The following COL6A6 variants were observed in gnomAD, a reference collection of about 807,000 sequenced individuals.
The protein encoded by COL6A6 is collagen alpha-6(VI) chain.
In COL6A6, 183 loss-of-function variants were observed where a neutral mutation model predicts 208.6. The ratio of observed to expected loss-of-function variants is 0.88; its 90% CI spans 0.78 to 0.99. The LOEUF (loss-of-function observed/expected upper bound fraction) is 0.99, where lower values mean the gene tolerates loss of function less well. Among genes scored for constraint, COL6A6 ranks in the 50% least tolerant of loss-of-function variants. The pLI is 0.00. For missense variants in COL6A6, 2,816 were observed against 2,815.2 expected, an observed-to-expected ratio of 1.00 and a Z score of -0.01; for synonymous variants, 973 against 1,011.8, an observed-to-expected ratio of 0.96 and a Z score of 0.73.
At position 130,649,049 on chromosome 3, in the gene COL6A6, T is replaced by A; in HGVS notation, c.5240-20T>A. 6.6e-7 allele frequency: 1 copy of A among 1,520,108 alleles called. No homozygotes were observed. The highest frequency in any genetic ancestry group is 8.8e-7 in the Non-Finnish European group (1 of 1,132,050). The allele number at this position is 1,520,108 out of a possible 1,614,324, so 94.2% of individuals were successfully genotyped here. On this transcript the variant is annotated intron_variant, in intron 32 of 36. Coordinates refer to ENST00000358511, the MANE Select transcript of COL6A6 (RefSeq NM_001102608.3). Reference sequence around the variant, plus strand: ...TTTTTTAAATAAGGATGCTATGTGTTAAGGGATATGGTCTTTTAGGAAAAC... The same window carrying A: ...TTTTTTAAATAAGGATGCTATGTGTAAAGGGATATGGTCTTTTAGGAAAAC...
chr3:130,639,474 C>A (rs1033908699), intron 28 of COL6A6, among the ~76,000 whole-genome samples: 3 of 152,128 alleles, frequency 2.0e-5, no homozygotes, highest in Admixed American at 2.0e-4. Flanking sequence ...AGGCAGATTG[C>A]TTCAGCCCAG....
intron 36 of COL6A6, among the ~76,000 whole-genome samples, chr3:130,672,749 A>G (rs1236596958): frequency 4.6e-5 from 7 of 151,196 alleles, no homozygotes; most frequent in African/African-American, 1.5e-4. Flanking sequence ...GGCGGCTCAC[A>G]CCTGTAATCC....
Position 130,565,398 on chromosome 3 carries a change from C to T in COL6A6, c.1066C>T (p.Arg356Ter), listed in dbSNP as rs546330651. ...CGTGACAAAAGCAGCTGTTAACCTC[C>T]GACGGGAGGGTGTGACCATCTTCAC... ...DNVTKAAVNL[R>*]REGVTIFTLG... The change falls in exon 4 of 37, where the codon CGA becomes TGA. Residue 356 changes from arginine (R) to a stop codon, truncating the protein, a stop_gained. Coordinates refer to ENST00000358511, the MANE Select transcript of COL6A6 (RefSeq NM_001102608.3). LOFTEE classifies it high-confidence loss of function. 525 of 1,613,926 alleles carry T rather than the reference C, an allele frequency of 3.3e-4. 8 individuals carry two copies. In the South Asian group the frequency reaches 5.0e-3, roughly 15 times the overall value.
At chr3:130,670,419 G>A (rs1283572047) in intron 36 of COL6A6, among the ~76,000 whole-genome samples, 4 of 152,168 alleles carry the variant, frequency 2.6e-5, no homozygotes, top group Non-Finnish European at 4.4e-5. Flanking sequence ...GTCACTATTA[G>A]TGTTATTTTT....
intron 6 of COL6A6, among the ~76,000 whole-genome samples, chr3:130,569,099 G>A (rs559327889): frequency 1.1e-3 from 162 of 152,244 alleles, no homozygotes; most frequent in Middle Eastern, 6.8e-3. Context: ...CCTGTGTCAC[G>A]TGGGCTACAT....
chr3:130,591,117 C>T (rs1487272829), intron 13 of COL6A6, 23 bp downstream of exon 13: 1 of 1,531,218 alleles, frequency 6.5e-7, no homozygotes, highest in East Asian at 2.3e-5. Context: ...TCTTTTTTAC[C>T]TCCATTTATC....
chr3:130,538,143 C>T (rs2062268740), intron 1 of COL6A6, among the ~76,000 whole-genome samples: 1 of 152,232 alleles, frequency 6.6e-6, no homozygotes, highest in South Asian at 2.1e-4. Context: ...ATCAGCAGGA[C>T]TGGCTGTGAC....
chr3:130,525,623 A>G (rs2107679419), intron 1 of COL6A6, among the ~76,000 whole-genome samples: 1 of 152,236 alleles, frequency 6.6e-6, no homozygotes, highest in African/African-American at 2.4e-5. Flanking sequence ...ATTCTTGTCG[A>G]TCTCGGGAAA....
rs1023652116 is a variant in COL6A6 at position 130,583,628 on chromosome 3, A to G, written c.3970+1560A>G. On this transcript the variant is annotated intron_variant, in intron 10 of 36. Transcript: ENST00000358511. ...CCAATGGAAGAGAGAAATCATGGCAATAATGTTCTTTGAAAAGTGTCTAGT... is the reference window on the plus strand; with the variant it reads ...CCAATGGAAGAGAGAAATCATGGCAGTAATGTTCTTTGAAAAGTGTCTAGT... 3.3e-5 allele frequency among the ~76,000 whole-genome samples: 5 copies of G among 152,224 alleles called. No individual in the cohort carries two copies. In the East Asian group the frequency reaches 7.7e-4, roughly 23 times the overall value.
intron 12 of COL6A6, among the ~76,000 whole-genome samples, 155 bp from the exon 13 acceptor site, chr3:130,590,886 T>C (rs761361103): frequency 5.9e-5 from 9 of 152,184 alleles, no homozygotes; most frequent in Non-Finnish European, 1.2e-4. Flanking sequence ...TTTCTTTTTA[T>C]GTGTGTAAAT....
In COL6A6 at chr3:130,642,981, C is replaced by T. The variant is rs376478571; in HGVS notation, c.5191-6C>T. On this transcript the variant is annotated splice_polypyrimidine_tract_variant and splice_region_variant and intron_variant, in intron 30 of 36. Transcript: ENST00000358511. ...TAATTGTTTCTGTTTTATTTTCGAA[C>T]TGCAGACATGTGAGCTCATTCAGTA... 1.2e-6 allele frequency: 2 copies of T among 1,613,910 alleles called. No homozygotes were observed. Among genetic ancestry groups the T allele is most frequent in the Non-Finnish European group, 1.7e-6 (2 of 1,179,816 alleles).
intron 35 of COL6A6, 79 bp from the exon 36 acceptor site, chr3:130,664,924 G>C: frequency 1.1e-6 from 1 of 885,402 alleles, no homozygotes; most frequent in Non-Finnish European, 1.8e-6. Context: ...ACAGTAAAGT[G>C]GCACTTTGTG....
At chr3:130,542,283 A>G (rs1577649520) in intron 1 of COL6A6, among the ~76,000 whole-genome samples, 1 of 142,856 alleles carries the variant, frequency 7.0e-6, no homozygotes, top group East Asian at 2.1e-4. Context: ...TTTTTCTTCT[A>G]CTCATTTTAT....
chr3:130,534,269 G>A (rs1318894865), intron 1 of COL6A6, among the ~76,000 whole-genome samples: 1 of 152,104 alleles, frequency 6.6e-6, no homozygotes, highest in Non-Finnish European at 1.5e-5. Flanking sequence ...TACTGATAAG[G>A]CTAAGGATCT....
At chr3:130,662,665 T>G (rs1223034494) in intron 35 of COL6A6, among the ~76,000 whole-genome samples, 1 of 152,204 alleles carries the variant, frequency 6.6e-6, no homozygotes, top group Non-Finnish European at 1.5e-5. Context: ...CTTAGCACAC[T>G]GCCCTTTGAT....
chr3:130,528,512 T>G (rs80248027), intron 1 of COL6A6, among the ~76,000 whole-genome samples: 162 of 152,316 alleles, frequency 1.1e-3, no homozygotes, highest in Non-Finnish European at 1.9e-3. Context: ...CTGTCTCTGT[T>G]GCAACTACTC....
At chr3:130,546,390 C>T (rs1451424223) in intron 1 of COL6A6, among the ~76,000 whole-genome samples, 1 of 152,098 alleles carries the variant, frequency 6.6e-6, no homozygotes. Flanking sequence ...TGCAGATCTT[C>T]GAGGTGAGTG....
intron 25 of COL6A6, among the ~76,000 whole-genome samples, 186 bp downstream of exon 25, chr3:130,626,733 C>T (rs1160587786): frequency 6.6e-6 from 1 of 152,114 alleles, no homozygotes; most frequent in African/African-American, 2.4e-5. Flanking sequence ...GTGGCAATTC[C>T]CCAGGTGCCA....
intron 10 of COL6A6, among the ~76,000 whole-genome samples, chr3:130,585,712 T>C (rs2063524284): frequency 6.6e-6 from 1 of 152,184 alleles, no homozygotes; most frequent in Non-Finnish European, 1.5e-5. Context: ...TGCCTGACAA[T>C]AGGCCTGTTA....
Sources: allele counts gnomAD v4.1 joint callset (sites outside exome capture counted in the v4.1 genomes callset), GRCh38; gene constraint gnomAD v4.1.1; transcripts MANE v1.5; gene names NCBI Gene and HGNC (gene_info 2026-07-23, HGNC 2026-07-21).